The following MTFR1 variants were observed in gnomAD, a reference collection of about 807,000 sequenced individuals.
MTFR1 encodes the protein mitochondrial fission regulator 1.
In MTFR1, 28 loss-of-function variants were observed where a neutral mutation model predicts 38.8. The observed-to-expected ratio is 0.72, with a 90% confidence interval of 0.53 to 0.99. MTFR1 has a LOEUF of 0.99. Ranked by LOEUF, MTFR1 falls within the 50% of genes least tolerant of loss-of-function variation. The probability of loss-of-function intolerance (pLI) is 0.00; values close to 1 mark genes in which losing one functional copy is unlikely to be tolerated. For missense variants in MTFR1, 358 were observed against 395.5 expected (o/e 0.91, Z 0.81); for synonymous variants, 145 against 137.0 (o/e 1.06, Z -0.41).
chr8:65,766,602 G>C (rs1808798604), intron 3 of MTFR1, among the ~76,000 whole-genome samples: 1 of 152,226 alleles, frequency 6.6e-6, no homozygotes, highest in Non-Finnish European at 1.5e-5. Flanking sequence ...GGTCAGCCCA[G>C]CATTGACGTC....
intron 1 of MTFR1, among the ~76,000 whole-genome samples, chr8:65,661,304 A>G (rs942356930): frequency 3.3e-5 from 5 of 152,342 alleles, no homozygotes; most frequent in Non-Finnish European, 7.4e-5. Flanking sequence ...AGACTGCCCA[A>G]TTAAGAAATC....
downstream of MTFR1, among the ~76,000 whole-genome samples, chr8:65,773,799 C>T (rs1809180258): frequency 2.0e-5 from 3 of 151,948 alleles, no homozygotes; most frequent in South Asian, 6.2e-4. Context: ...TTTAATGTCC[C>T]TCTCCCACTA....
downstream of MTFR1, among the ~76,000 whole-genome samples, chr8:65,711,077 C>A (rs1805931503): frequency 6.6e-6 from 1 of 151,930 alleles, no homozygotes; most frequent in African/African-American, 2.4e-5. Context: ...TTACATGATC[C>A]CCTGTTAAAT....
intron 3 of MTFR1, among the ~76,000 whole-genome samples, chr8:65,770,677 A>G (rs960576227): frequency 2.0e-5 from 3 of 152,242 alleles, no homozygotes; most frequent in Non-Finnish European, 4.4e-5. Flanking sequence ...TTGCACATAC[A>G]TTAACATTTA....
chr8:65,717,657 T>C (rs1585815077), intron 2 of MTFR1: 1 of 152,214 alleles, frequency 6.6e-6, no homozygotes, highest in Admixed American at 6.5e-5. Flanking sequence ...AAGATTGAGT[T>C]ATAAGGTAAA....
chr8:65,645,692 T>TTTCCCCCC (rs1554544272), intron 1 of MTFR1, among the ~76,000 whole-genome samples: 2 of 83,172 alleles, frequency 2.4e-5, no homozygotes, highest in African/African-American at 1.0e-4. Flanking sequence ...CGCCCGGCTT[T>TTTCCCCCC]CCCCCCCCCC....
chr8:65,770,121 CTGTGTG>C (rs10608556), intron 3 of MTFR1, among the ~76,000 whole-genome samples: 6,702 of 146,480 alleles, frequency 0.046, 272 homozygotes, highest in African/African-American at 0.11. Context: ...CAGTATACTT[CTGTGTG>C]TGTGTGTGTG....
chr8:65,701,666 G>T (rs907327497), intron 4 of MTFR1, among the ~76,000 whole-genome samples: 7 of 152,218 alleles, frequency 4.6e-5, no homozygotes, highest in African/African-American at 1.7e-4. Context: ...TAAGGATAGT[G>T]AATAAAGTGA....
intron 1 of MTFR1, among the ~76,000 whole-genome samples, chr8:65,660,680 ATC>A (rs1319828894): frequency 2.6e-5 from 4 of 152,176 alleles, no homozygotes; most frequent in African/African-American, 9.6e-5. Context: ...CTCATAATAA[ATC>A]TGTTTCTATG....
At chr8:65,688,633 A>C (rs954965721) in intron 3 of MTFR1, among the ~76,000 whole-genome samples, 1 of 149,144 alleles carries the variant, frequency 6.7e-6, no homozygotes, top group Non-Finnish European at 1.5e-5. Flanking sequence ...TTTAGTAGAG[A>C]CGGGGTTTCA....
At chr8:65,692,127 AT>A (rs1805298669) in intron 3 of MTFR1, among the ~76,000 whole-genome samples, 1 of 151,758 alleles carries the variant, frequency 6.6e-6, no homozygotes, top group Non-Finnish European at 1.5e-5. Flanking sequence ...TGGCCTTTTC[AT>A]TTTTTCCTTA....
At chr8:65,713,024 G>A (rs1805995373), downstream of MTFR1, among the ~76,000 whole-genome samples, 1 of 152,162 alleles carries the variant, frequency 6.6e-6, no homozygotes, top group African/African-American at 2.4e-5. Flanking sequence ...AAAGATAGGT[G>A]TTGTAATACA....
At chr8:65,657,501 G>C (rs1238352212) in intron 1 of MTFR1, among the ~76,000 whole-genome samples, 2 of 151,960 alleles carry the variant, frequency 1.3e-5, no homozygotes, top group African/African-American at 4.8e-5. Context: ...TCAGGAGTTT[G>C]AGGCTAGCCT....
At chr8:65,724,977 G>A in intron 3 of MTFR1, 1 of 1,191,664 alleles carries the variant, frequency 8.4e-7, no homozygotes, top group Non-Finnish European at 1.2e-6. Flanking sequence ...ACTATTTATT[G>A]ATTTTTTTTC....
chr8:65,695,128 G>T (rs1425793516), intron 4 of MTFR1, among the ~76,000 whole-genome samples: 1 of 152,162 alleles, frequency 6.6e-6, no homozygotes, highest in Non-Finnish European at 1.5e-5. Flanking sequence ...ATAGAAAAGA[G>T]CCAGACCAAG....
intron 3 of MTFR1, chr8:65,727,212 A>C (rs747297892): frequency 7.4e-6 from 12 of 1,613,222 alleles, no homozygotes; most frequent in Non-Finnish European, 1.0e-5. Context: ...TAATAAGGAA[A>C]GGTTGATTAA....
chr8:65,676,643 C>T (rs1233560548), intron 2 of MTFR1, among the ~76,000 whole-genome samples: 3 of 152,262 alleles, frequency 2.0e-5, no homozygotes, highest in South Asian at 4.1e-4. Flanking sequence ...GGATTACAGG[C>T]GTGAGCCACC....
At chr8:65,695,196 G>C (rs1805399142) in intron 4 of MTFR1, among the ~76,000 whole-genome samples, 1 of 152,102 alleles carries the variant, frequency 6.6e-6, no homozygotes, top group East Asian at 1.9e-4. Context: ...TGGCAGAAGA[G>C]GTTCAAAGCC....
Position 65,709,894 on chromosome 8 carries a change from T to A in MTFR1, c.*850T>A, listed in dbSNP as rs974950294. 15 of 152,626 alleles carry A rather than the reference T, an allele frequency of 9.8e-5. No homozygotes were observed. Among genetic ancestry groups the A allele is most frequent in the African/African-American group, 2.4e-4 (10 of 41,446 alleles). The allele number at this position is 152,626 out of a possible 1,614,324, so 9.5% of individuals were successfully genotyped here. A position where few individuals can be genotyped will look rare whatever the true frequency, so the allele number is the denominator to read the frequency against. Reference sequence around the variant, plus strand: ...TTTGCTAAGTTAATAGAGTTAAAAATTTTTTTAATATAAGCCAAAATATTA... The same window carrying A: ...TTTGCTAAGTTAATAGAGTTAAAAAATTTTTTAATATAAGCCAAAATATTA... On this transcript the variant is annotated 3_prime_UTR_variant, in exon 8 of 8. Coordinates refer to ENST00000262146, the MANE Select transcript of MTFR1 (RefSeq NM_014637.4).
Sources: gnomAD v4.1 joint callset for allele counts (sites outside exome capture counted in the v4.1 genomes callset) on GRCh38, gnomAD v4.1.1 for gene constraint, MANE v1.5 for transcripts, NCBI Gene and HGNC (gene_info 2026-07-23, HGNC 2026-07-21) for gene names.